The following DDR2 variants were observed in gnomAD, a reference collection of about 807,000 sequenced individuals.
DDR2 encodes the protein discoidin domain-containing receptor 2.
In DDR2, 27 loss-of-function variants were observed where a neutral mutation model predicts 94.9. The ratio of observed to expected loss-of-function variants is 0.28; its 90% CI spans 0.21 to 0.39. The LOEUF (loss-of-function observed/expected upper bound fraction) is 0.39, where lower values mean the gene tolerates loss of function less well. DDR2 is among the 10% of genes least tolerant of loss of function. The pLI is 1.00. For missense variants in DDR2, 783 were observed against 1,076.0 expected, an observed-to-expected ratio of 0.73 and a Z score of 3.81; for synonymous variants, 382 against 377.2, an observed-to-expected ratio of 1.01 and a Z score of -0.15.
intron 7 of DDR2, 37 bp from the exon 8 acceptor site, chr1:162,759,759 C>G (rs1341507651): frequency 1.2e-6 from 2 of 1,611,948 alleles, no homozygotes; most frequent in Middle Eastern, 2.0e-4. Flanking sequence ...ACTCAGATTT[C>G]TCTCTCCTTT....
At chr1:162,741,258 G>GTAATATAATA (rs1558057595) in intron 3 of DDR2, among the ~76,000 whole-genome samples, 1 of 107,048 alleles carries the variant, frequency 9.3e-6, no homozygotes, top group African/African-American at 3.8e-5. Flanking sequence ...ATAATGTAAT[G>GTAATATAATA]TAATGTAATA....
At chr1:162,719,612 G>A (rs1661328275) in intron 3 of DDR2, among the ~76,000 whole-genome samples, 1 of 152,102 alleles carries the variant, frequency 6.6e-6, no homozygotes, top group Non-Finnish European at 1.5e-5. Flanking sequence ...CTAGGATGTG[G>A]CCATGCTAAA....
chr1:162,719,848 C>T (rs1363828050), intron 3 of DDR2, among the ~76,000 whole-genome samples: 1 of 152,064 alleles, frequency 6.6e-6, no homozygotes, highest in African/African-American at 2.4e-5. Context: ...TCAAGCATAA[C>T]TGGAAGTCAG....
intron 3 of DDR2, among the ~76,000 whole-genome samples, chr1:162,729,866 C>G (rs1417761175): frequency 6.6e-6 from 1 of 151,870 alleles, no homozygotes; most frequent in Non-Finnish European, 1.5e-5. Flanking sequence ...GCCTCAGCCT[C>G]TCGAGTAGCT....
chr1:162,703,207 C>T (rs1435633305), intron 2 of DDR2, among the ~76,000 whole-genome samples: 2 of 152,100 alleles, frequency 1.3e-5, no homozygotes, highest in Admixed American at 1.3e-4. Flanking sequence ...TAGCCTAGTT[C>T]CTGATATCAG....
intron 2 of DDR2, among the ~76,000 whole-genome samples, chr1:162,657,253 C>G (rs1246284315): frequency 2.0e-5 from 3 of 152,164 alleles, no homozygotes; most frequent in African/African-American, 7.2e-5. Context: ...CCCCCACTGT[C>G]ATATTATCCC....
rs1358952628 is a variant in DDR2, at chr1:162,761,448, C to T, written c.1093C>T (p.Gln365Ter). Reference protein sequence around the residue: ...TWMMFSEITFQSDAAMYNNSE... With the variant: ...TWMMFSEITF ...GATGATGTTCAGTGAGATCACCTTC[C>T]AATCAGGTAGGGAGCTCAGGTCCTC... Residue 365 changes from glutamine (Q) to a stop codon, truncating the protein, a stop_gained, in exon 9 of 18, where the codon CAA becomes TAA. Transcript: ENST00000367921. LOFTEE classifies it high-confidence loss of function. 6.2e-7 allele frequency: 1 copy of T among 1,614,168 alleles called. No individual in the cohort carries two copies.
At position 162,776,237 on chromosome 1, in the gene DDR2, T is replaced by C. The variant is rs1647543233; in HGVS notation, c.2150T>C (p.Leu717Ser). 1.2e-6 allele frequency: 2 copies of C among 1,613,796 alleles called. No individual in the cohort carries two copies. Among genetic ancestry groups the C allele is most frequent in the Non-Finnish European group, 1.7e-6 (2 of 1,179,954 alleles). The part of the protein sequence containing the change: ...VHRDLATRNC[L>S]VGKNYTIKIA... ...CGAGATCTGGCCACACGAAACTGTT[T>C]AGTGGGTAAGAACTACACAATCAAG... The change falls in exon 16 of 18, where the codon TTA becomes TCA. Residue 717 changes from leucine (L) to serine (S), a missense_variant. Leu to Ser is a moderately radical substitution (Grantham distance 145). Around this residue, in one of 2 missense-constraint regions of DDR2, gnomAD observed 264 missense variants for 428.2 expected, o/e 0.62. Transcript: ENST00000367921.
At chr1:162,683,771 T>G (rs1275859166) in intron 2 of DDR2, among the ~76,000 whole-genome samples, 1 of 152,020 alleles carries the variant, frequency 6.6e-6, no homozygotes, top group African/African-American at 2.4e-5. Context: ...GTACTTGACA[T>G]AGTAAAGACA....
intron 2 of DDR2, among the ~76,000 whole-genome samples, chr1:162,712,146 T>C (rs1002614193): frequency 2.5e-4 from 38 of 150,824 alleles, no homozygotes; most frequent in African/African-American, 8.6e-4. Context: ...ATCTGATTGC[T>C]AAGGCAGTTG....
chr1:162,666,704 T>A (rs1446447515), intron 2 of DDR2, among the ~76,000 whole-genome samples: 1 of 152,128 alleles, frequency 6.6e-6, no homozygotes, highest in East Asian at 1.9e-4. Context: ...CTGCATTTTT[T>A]AAAAATTAAA....
intron 17 of DDR2, among the ~76,000 whole-genome samples, 190 bp from the exon 18 acceptor site, chr1:162,779,921 GA>G (rs1263968966): frequency 6.6e-6 from 1 of 152,142 alleles, no homozygotes; most frequent in East Asian, 1.9e-4. Flanking sequence ...GAACAGCTTA[GA>G]AAAGGGCTGA....
At chr1:162,729,734 T>A (rs111903282) in intron 3 of DDR2, among the ~76,000 whole-genome samples, 2,116 of 151,080 alleles carry the variant, frequency 0.014, 30 homozygotes, top group African/African-American at 0.037. Context: ...ATTTATTTAT[T>A]TTTATTTATA....
At chr1:162,771,432 G>A (rs1664261915) in intron 12 of DDR2, among the ~76,000 whole-genome samples, 1 of 152,114 alleles carries the variant, frequency 6.6e-6, no homozygotes, top group African/African-American at 2.4e-5. Context: ...ATTATTCAAT[G>A]GATAGAAGAC....
intron 2 of DDR2, among the ~76,000 whole-genome samples, chr1:162,714,889 G>A (rs950096849): frequency 6.6e-6 from 1 of 152,136 alleles, no homozygotes; most frequent in Non-Finnish European, 1.5e-5. Flanking sequence ...TGCATTTTGA[G>A]TTTTATTTCT....
intron 10 of DDR2, among the ~76,000 whole-genome samples, chr1:162,766,892 C>T (rs1015553925): frequency 5.9e-5 from 9 of 151,786 alleles, no homozygotes; most frequent in South Asian, 4.2e-4. Context: ...ATTAGCCGGG[C>T]GTAGTGGCGC....
intron 2 of DDR2, among the ~76,000 whole-genome samples, chr1:162,713,655 C>T (rs530413043): frequency 3.9e-5 from 6 of 152,150 alleles, no homozygotes; most frequent in Non-Finnish European, 8.8e-5. Flanking sequence ...AGACTTCAAC[C>T]GTTGTAACTG....
At chr1:162,764,381 A>G (rs1663890216) in intron 9 of DDR2, among the ~76,000 whole-genome samples, 1 of 138,790 alleles carries the variant, frequency 7.2e-6, no homozygotes, top group South Asian at 2.6e-4. Context: ...GATGAAAGAT[A>G]CAGAATGCTT....
At chr1:162,761,806 C>A (rs1172087608) in intron 9 of DDR2, among the ~76,000 whole-genome samples, 1 of 152,106 alleles carries the variant, frequency 6.6e-6, no homozygotes, top group Non-Finnish European at 1.5e-5. Flanking sequence ...TAAATATACA[C>A]AAAAGTAAAG....
Sources: allele counts gnomAD v4.1 joint callset (sites outside exome capture counted in the v4.1 genomes callset), GRCh38; gene constraint gnomAD v4.1.1; regional missense constraint gnomAD v4.1.1; transcripts MANE v1.5; gene names NCBI Gene and HGNC (gene_info 2026-07-23, HGNC 2026-07-21).